Variants in SP4 observed in about 807,000 individuals in gnomAD.
The protein encoded by SP4 is Sp4 transcription factor.
A neutral mutation model predicts 72.8 loss-of-function variants in SP4; 19 were observed. That is an observed-to-expected ratio of 0.26 (90% CI 0.18 to 0.38). The LOEUF is 0.38. Among genes scored for constraint, SP4 ranks in the 10% least tolerant of loss-of-function variants. The pLI, the probability that SP4 is intolerant of heterozygous loss-of-function variation, is 1.00. For synonymous variants in SP4, 395 were observed against 333.1 expected, an observed-to-expected ratio of 1.19 and a Z score of -2.02; for missense variants, 1,008 against 926.3, an observed-to-expected ratio of 1.09 and a Z score of -1.14.
Position 21,486,555 on chromosome 7 carries a change from C to T in SP4, c.2107+4432C>T, listed in dbSNP as rs189578210. 2.4e-3 allele frequency among the ~76,000 whole-genome samples: 367 copies of T among 152,210 alleles called. 2 individuals carry two copies. Among genetic ancestry groups the T allele is most frequent in the African/African-American group, 8.2e-3 (342 of 41,542 alleles). ...TTTGGTATTTTTAGAATGTCTGTCA[C>T]ATTGGGTTTGTCTAATGTTTTCTAA... On this transcript the variant is annotated intron_variant, in intron 5 of 5. Transcript: ENST00000222584.
At chr7:21,503,608 C>A (rs1781922112) in intron 5 of SP4, among the ~76,000 whole-genome samples, 1 of 152,168 alleles carries the variant, frequency 6.6e-6, no homozygotes, top group African/African-American at 2.4e-5. Flanking sequence ...CTAGGTGAAT[C>A]TGTTTTAATA....
chr7:21,496,685 T>A (rs546884556), intron 5 of SP4, among the ~76,000 whole-genome samples: 78 of 152,368 alleles, frequency 5.1e-4, no homozygotes, highest in African/African-American at 7.2e-4. Context: ...TTATTTATTT[T>A]TTTTTCAAAT....
intron 5 of SP4, among the ~76,000 whole-genome samples, chr7:21,507,830 C>T (rs901507677): frequency 3.9e-5 from 6 of 152,056 alleles, no homozygotes; most frequent in African/African-American, 1.4e-4. Flanking sequence ...AGGTTTCTTG[C>T]ACACCCATGG....
chr7:21,428,179 T>TGCCCCCCCC lies in SP4; in HGVS notation c.-73_-72insGCCCCCCCC. 3.3e-6 allele frequency: 2 copies of TGCCCCCCCC among 600,794 alleles called. No individual in the cohort carries two copies. The highest frequency in any genetic ancestry group is 3.2e-6 in the Non-Finnish European group (1 of 315,458). 37.2% of individuals were successfully genotyped at this position (600,794 alleles called of 1,614,324 possible). On this transcript the variant is annotated 5_prime_UTR_variant, in exon 1 of 6. Transcript: ENST00000222584. ...GCGGGCGGGCGGGACCGGCCTCTCCTCCCGCCTCGCCCCCACCCCCACCCA... is the reference window on the plus strand; with the variant it reads ...GCGGGCGGGCGGGACCGGCCTCTCCTGCCCCCCCCCCCGCCTCGCCCCCACCCCCACCCA...
At chr7:21,475,405 C>T (rs992620514) in intron 3 of SP4, among the ~76,000 whole-genome samples, 43 of 152,016 alleles carry the variant, frequency 2.8e-4, no homozygotes, top group Admixed American at 2.2e-3. Context: ...TGAGCCACCA[C>T]GCCTGGCCTG....
At chr7:21,495,277 G>A (rs1458623367) in intron 5 of SP4, among the ~76,000 whole-genome samples, 4 of 152,154 alleles carry the variant, frequency 2.6e-5, no homozygotes, top group African/African-American at 9.7e-5. Context: ...GATGGATCCT[G>A]TTAAGAGAAT....
chr7:21,461,091 G>T (rs1783961064), intron 3 of SP4, among the ~76,000 whole-genome samples: 1 of 152,216 alleles, frequency 6.6e-6, no homozygotes, highest in Non-Finnish European at 1.5e-5. Context: ...AGACGTAAAG[G>T]TTGTCTAAGT....
intron 3 of SP4, among the ~76,000 whole-genome samples, chr7:21,431,117 C>T (rs984409236): frequency 6.6e-6 from 1 of 152,074 alleles, no homozygotes; most frequent in Admixed American, 6.6e-5. Context: ...ATCATAATTG[C>T]CTTCTGTAAT....
intron 3 of SP4, among the ~76,000 whole-genome samples, chr7:21,441,990 TTA>T (rs1783259414): frequency 7.2e-6 from 1 of 139,040 alleles, no homozygotes; most frequent in South Asian, 2.3e-4. Context: ...TTATTTCATT[TTA>T]TGTGTGTGTG....
chr7:21,496,930 A>G (rs933370465), intron 5 of SP4, among the ~76,000 whole-genome samples: 84 of 152,266 alleles, frequency 5.5e-4, no homozygotes, highest in African/African-American at 2.0e-3. Flanking sequence ...CACAGCACTA[A>G]ACGTGTGTGA....
intron 3 of SP4, among the ~76,000 whole-genome samples, chr7:21,441,071 T>G (rs1278019593): frequency 1.3e-5 from 2 of 152,184 alleles, no homozygotes; most frequent in African/African-American, 4.8e-5. Flanking sequence ...AGTTTATACG[T>G]AAGTACTGGG....
intron 3 of SP4, among the ~76,000 whole-genome samples, chr7:21,452,120 A>G (rs1043774757): frequency 3.3e-5 from 5 of 152,180 alleles, no homozygotes; most frequent in African/African-American, 4.8e-5. Flanking sequence ...GATGAGACTA[A>G]AATTTGATAA....
chr7:21,455,406 A>G (rs1783730923), intron 3 of SP4, among the ~76,000 whole-genome samples: 1 of 152,284 alleles, frequency 6.6e-6, no homozygotes, highest in African/African-American at 2.4e-5. Context: ...GGATGCATCC[A>G]TGGGGCATGT....
chr7:21,486,720 G>A (rs543643852), intron 5 of SP4, among the ~76,000 whole-genome samples: 13 of 152,242 alleles, frequency 8.5e-5, no homozygotes, highest in Non-Finnish European at 1.9e-4. Context: ...TGTAGGGTGT[G>A]CCACATTTCT....
At chr7:21,461,594 G>A (rs114899640) in intron 3 of SP4, among the ~76,000 whole-genome samples, 100 of 152,214 alleles carry the variant, frequency 6.6e-4, no homozygotes, top group Admixed American at 2.4e-3. Flanking sequence ...TGCAAACACC[G>A]CGCGCAGCCC....
chr7:21,446,107 A>G (rs1015803725), intron 3 of SP4, among the ~76,000 whole-genome samples: 3 of 151,692 alleles, frequency 2.0e-5, no homozygotes, highest in Non-Finnish European at 4.4e-5. Context: ...TTTACTCATT[A>G]TAAACACATT....
At chr7:21,477,857 A>G (rs1554299046) in intron 4 of SP4, among the ~76,000 whole-genome samples, 2 of 152,030 alleles carry the variant, frequency 1.3e-5, no homozygotes, top group African/African-American at 4.8e-5. Flanking sequence ...TTTCTTTTTC[A>G]TAAAATATTT....
intron 3 of SP4, among the ~76,000 whole-genome samples, chr7:21,466,190 C>T (rs1400303613): frequency 1.3e-5 from 2 of 152,126 alleles, no homozygotes; most frequent in South Asian, 2.1e-4. Context: ...GGCTTCTGGT[C>T]AGATCTTATT....
At chr7:21,487,164 A>T (rs559571696) in intron 5 of SP4, among the ~76,000 whole-genome samples, 1 of 152,282 alleles carries the variant, frequency 6.6e-6, no homozygotes, top group East Asian at 1.9e-4. Flanking sequence ...ACCTTTGGCC[A>T]TTGGAAGGTC....
Sources: allele counts gnomAD v4.1 joint callset (sites outside exome capture counted in the v4.1 genomes callset), GRCh38; gene constraint gnomAD v4.1.1; transcripts MANE v1.5; gene names NCBI Gene and HGNC (gene_info 2026-07-23, HGNC 2026-07-21).